The following PARN variants were observed in gnomAD, a reference collection of about 807,000 sequenced individuals.
The protein encoded by PARN is poly(A)-specific ribonuclease PARN.
A neutral mutation model predicts 102.8 loss-of-function variants in PARN; 71 were observed. That is an observed-to-expected ratio of 0.69 (90% CI 0.57 to 0.84). The LOEUF (loss-of-function observed/expected upper bound fraction) is 0.84, where lower values mean the gene tolerates loss of function less well. Ranked by LOEUF, PARN falls within the 40% of genes least tolerant of loss-of-function variation. The probability of loss-of-function intolerance (pLI) is 0.00; values close to 1 mark genes in which losing one functional copy is unlikely to be tolerated. For missense variants in PARN, 782 were observed against 760.9 expected, an observed-to-expected ratio of 1.03 and a Z score of -0.33; for synonymous variants, 261 against 252.9, an observed-to-expected ratio of 1.03 and a Z score of -0.30.
At chr16:14,589,765 G>A (rs538522520) in intron 13 of PARN, among the ~76,000 whole-genome samples, 1 of 151,738 alleles carries the variant, frequency 6.6e-6, no homozygotes, top group South Asian at 2.1e-4. Flanking sequence ...TACTCAGGAG[G>A]CTGAGGCAGA....
At chr16:14,629,992 C>A in intron 1 of PARN, 115 bp downstream of exon 1, 1 of 958,000 alleles carries the variant, frequency 1.0e-6, no homozygotes, top group Non-Finnish European at 1.6e-6. Context: ...AGGGAAAAGC[C>A]CTGAGGGGCT....
Position 14,610,965 on chromosome 16 carries a change from T to C in PARN, c.389-156A>G, listed in dbSNP as rs566185651. Among the ~76,000 whole-genome samples, 11 of 152,306 alleles carry C rather than the reference T, an allele frequency of 7.2e-5. 1 individual carries two copies. The South Asian group carries it at 2.3e-3, about 32-fold the overall frequency. Reference sequence around the variant, plus strand: ...GAAAGGCAAATGATTTTGAAATGTGTTTATCATTCATCCATTCATTCAGTC... The same window carrying C: ...GAAAGGCAAATGATTTTGAAATGTGCTTATCATTCATCCATTCATTCAGTC... On this transcript the variant is annotated intron_variant, in intron 6 of 23. Coordinates refer to ENST00000437198, the MANE Select transcript of PARN (RefSeq NM_002582.4).
intron 6 of PARN, among the ~76,000 whole-genome samples, chr16:14,616,517 A>T: frequency 6.6e-6 from 1 of 152,226 alleles, no homozygotes; most frequent in East Asian, 1.9e-4. Flanking sequence ...AGGCCAAGGC[A>T]GGTGGATTGT....
In PARN at chr16:14,605,496, A is replaced by G. The variant is rs60227820; in HGVS notation, c.702+988T>C. On this transcript the variant is annotated intron_variant, in intron 10 of 23. Coordinates refer to ENST00000437198, the MANE Select transcript of PARN (RefSeq NM_002582.4). ...TCTGAAGAGTTTTAAAGTAAAATGT[A>G]TATGTTGTATTAACATTAACAAAAC... Among the ~76,000 whole-genome samples, 512 of 152,328 alleles carry G rather than the reference A, an allele frequency of 3.4e-3. 20 individuals are homozygous for G. The East Asian group carries it at 0.081, about 24-fold the overall frequency.
rs555661343 is a variant in PARN at position 14,590,660 on chromosome 16, C to T, written c.918+2641G>A. On this transcript the variant is annotated intron_variant, in intron 13 of 23. Coordinates refer to ENST00000437198, the MANE Select transcript of PARN (RefSeq NM_002582.4). ...AAAAAAAAAAAAAAAAAAAGAAATGCAATTCCATACCTTTTACACTTGTTT... is the reference window on the plus strand; with the variant it reads ...AAAAAAAAAAAAAAAAAAAGAAATGTAATTCCATACCTTTTACACTTGTTT... Among the ~76,000 whole-genome samples, 47 of 149,442 alleles carry T rather than the reference C, an allele frequency of 3.1e-4. No homozygotes were observed. In the South Asian group the frequency reaches 9.5e-3, roughly 30 times the overall value.
intron 5 of PARN, among the ~76,000 whole-genome samples, chr16:14,623,482 C>T (rs755750285): frequency 6.6e-6 from 1 of 151,582 alleles, no homozygotes; most frequent in Non-Finnish European, 1.5e-5. Flanking sequence ...CCACTGCACT[C>T]CAGCCTGGAA....
At chr16:14,564,324 G>A (rs1047884501) in intron 18 of PARN, among the ~76,000 whole-genome samples, 5 of 152,182 alleles carry the variant, frequency 3.3e-5, no homozygotes, top group African/African-American at 9.7e-5. Flanking sequence ...ATAGCTTCAC[G>A]TGATGGCGTG....
rs528599559 is a variant in PARN, at chr16:14,457,668, T to C, written c.1671-10587A>G. ...CAAAAAACAGCCGGGCATCATGGTG[T>C]ATGCCTGTAATCCCAGCTACTCGGA... On this transcript the variant is annotated intron_variant, in intron 22 of 23. Transcript: ENST00000437198. Among the ~76,000 whole-genome samples the C allele has an allele frequency of 2.0e-4, 30 of 151,616 alleles. 2 individuals carry two copies. The South Asian group carries it at 5.8e-3, about 30-fold the overall frequency.
intron 21 of PARN, among the ~76,000 whole-genome samples, chr16:14,495,642 C>A (rs1472131214): frequency 6.6e-6 from 1 of 152,108 alleles, no homozygotes; most frequent in Non-Finnish European, 1.5e-5. Context: ...TGACTGCAGA[C>A]GCCTCGAATT....
intron 8 of PARN, 146 bp downstream of exon 8, chr16:14,608,912 C>G: frequency 1.6e-6 from 1 of 620,124 alleles, no homozygotes; most frequent in Non-Finnish European, 2.9e-6. Context: ...CTGTGTAACG[C>G]TAAAGTTAGT....
intron 22 of PARN, among the ~76,000 whole-genome samples, chr16:14,466,007 G>A (rs983653027): frequency 2.0e-5 from 3 of 152,184 alleles, no homozygotes; most frequent in Non-Finnish European, 4.4e-5. Context: ...TAAGGGTGGA[G>A]GGTGGGAGGA....
chr16:14,624,881 A>C (rs1342228524), intron 5 of PARN, among the ~76,000 whole-genome samples: 6 of 152,020 alleles, frequency 3.9e-5, no homozygotes, highest in African/African-American at 1.2e-4. Context: ...GAAAAACCCT[A>C]TCTCTACTAA....
intron 17 of PARN, 91 bp downstream of exon 17, chr16:14,582,090 A>G: frequency 1.2e-6 from 1 of 832,312 alleles, no homozygotes. Flanking sequence ...CCCACACTCG[A>G]CAGTAATTTA....
At position 14,630,202 on chromosome 16, in the gene PARN, C is replaced by A; in HGVS notation, c.-77G>T. The A allele has an allele frequency of 7.5e-7, 1 of 1,336,342 alleles. No individual in the cohort carries two copies. The highest frequency in any genetic ancestry group is 1.0e-6 in the Non-Finnish European group (1 of 962,080). 82.8% of individuals were successfully genotyped at this position (1,336,342 alleles called of 1,614,324 possible). A position where few individuals can be genotyped will look rare whatever the true frequency, so the allele number is the denominator to read the frequency against. ...CGGTTCTACTCGCCGAATTCCGCGG[C>A]GACTGCGGCAGTAGCTGAGGCAGCC... is the stretch of plus-strand genomic sequence containing the variant. On this transcript the variant is annotated 5_prime_UTR_variant, in exon 1 of 24. Coordinates refer to ENST00000437198, the MANE Select transcript of PARN (RefSeq NM_002582.4).
intron 21 of PARN, among the ~76,000 whole-genome samples, chr16:14,538,412 G>T (rs913600677): frequency 6.6e-6 from 1 of 151,878 alleles, no homozygotes; most frequent in African/African-American, 2.4e-5. Flanking sequence ...TAGAGACAGG[G>T]TTTTGCCATG....
chr16:14,441,914 A>C (rs1371751908), intron 23 of PARN, among the ~76,000 whole-genome samples: 1 of 152,206 alleles, frequency 6.6e-6, no homozygotes, highest in Non-Finnish European at 1.5e-5. Context: ...TTAGGGTTTC[A>C]GCTTGAAAAG....
intron 21 of PARN, among the ~76,000 whole-genome samples, chr16:14,485,429 G>A (rs1463683013): frequency 6.6e-6 from 1 of 152,076 alleles, no homozygotes; most frequent in Admixed American, 6.5e-5. Flanking sequence ...TCAGGTATTT[G>A]GTAAATCAAG....
At chr16:14,629,879 G>A (rs928703039) in intron 1 of PARN, among the ~76,000 whole-genome samples, 1 of 152,216 alleles carries the variant, frequency 6.6e-6, no homozygotes, top group African/African-American at 2.4e-5. Flanking sequence ...CCCGGAGAAG[G>A]ACAAGGCCCC....
intron 23 of PARN, among the ~76,000 whole-genome samples, chr16:14,440,760 T>A (rs1411789114): frequency 2.0e-5 from 3 of 152,192 alleles, no homozygotes; most frequent in Non-Finnish European, 4.4e-5. Flanking sequence ...CTCAAAAGGC[T>A]AACTATCGCA....
Sources: allele counts gnomAD v4.1 joint callset (sites outside exome capture counted in the v4.1 genomes callset), GRCh38; gene constraint gnomAD v4.1.1; transcripts MANE v1.5; gene names NCBI Gene and HGNC (gene_info 2026-07-23, HGNC 2026-07-21).